Variants in ARHGAP44 observed in about 807,000 individuals in gnomAD.
The protein encoded by ARHGAP44 is rho GTPase-activating protein 44.
In ARHGAP44, 43 loss-of-function variants were observed where a neutral mutation model predicts 106.8. The ratio of observed to expected loss-of-function variants is 0.40; its 90% CI spans 0.32 to 0.52. The LOEUF is 0.52. ARHGAP44 is among the 20% of genes least tolerant of loss of function. The probability of loss-of-function intolerance (pLI) is 0.48; values close to 1 mark genes in which losing one functional copy is unlikely to be tolerated. For synonymous variants in ARHGAP44, 439 were observed against 410.3 expected (o/e 1.07, Z -0.85); for missense variants, 866 against 1,050.5 (o/e 0.82, Z 2.43).
intron 19 of ARHGAP44, among the ~76,000 whole-genome samples, chr17:12,983,246 C>G (rs1194871157): frequency 1.6e-5 from 2 of 121,554 alleles, no homozygotes; most frequent in Non-Finnish European, 3.2e-5. Context: ...GCCTGGGTGA[C>G]AGAGCGAGAC....
At chr17:12,920,206 T>C (rs1179560835) in intron 6 of ARHGAP44, among the ~76,000 whole-genome samples, 2 of 151,702 alleles carry the variant, frequency 1.3e-5, no homozygotes, top group Non-Finnish European at 2.9e-5. Flanking sequence ...AAACCCTGTC[T>C]CTACTAAAAA....
intron 5 of ARHGAP44, among the ~76,000 whole-genome samples, chr17:12,918,868 A>C (rs922454074): frequency 6.6e-6 from 1 of 152,164 alleles, no homozygotes; most frequent in Non-Finnish European, 1.5e-5. Context: ...AGGGCAGGAA[A>C]GTGGCCAGGC....
chr17:12,977,189 C>T (rs775289333), intron 18 of ARHGAP44, among the ~76,000 whole-genome samples: 24 of 151,854 alleles, frequency 1.6e-4, no homozygotes, highest in Non-Finnish European at 3.1e-4. Context: ...CCGGGCTGAC[C>T]GGTTTAGTAA....
rs535985743 is a variant in ARHGAP44 at position 12,947,612 on chromosome 17, A to G, written c.862-1528A>G. Reference sequence around the variant, plus strand: ...ACAGGACTCATTAGCTAATATAACAATCCCCTCCTCCACCTAGTTTTTATG... The same window carrying G: ...ACAGGACTCATTAGCTAATATAACAGTCCCCTCCTCCACCTAGTTTTTATG... On this transcript the variant is annotated intron_variant, in intron 10 of 20. Transcript: ENST00000379672. 4.3e-4 allele frequency among the ~76,000 whole-genome samples: 66 copies of G among 152,256 alleles called. No homozygotes were observed. In the Middle Eastern group the frequency reaches 0.017, roughly 39 times the overall value.
intron 7 of ARHGAP44, among the ~76,000 whole-genome samples, chr17:12,932,608 T>G (rs768318105): frequency 1.3e-5 from 2 of 152,302 alleles, no homozygotes; most frequent in Middle Eastern, 3.4e-3. Context: ...TTCTTTAATT[T>G]TATGTTAATG....
At chr17:12,888,770 GT>G (rs1456818089) in intron 1 of ARHGAP44, among the ~76,000 whole-genome samples, 7 of 152,036 alleles carry the variant, frequency 4.6e-5, no homozygotes, top group Non-Finnish European at 1.0e-4. Flanking sequence ...TTACAGCTCT[GT>G]TTTTTGGTGG....
chr17:12,977,640 C>A (rs983886556), intron 18 of ARHGAP44, among the ~76,000 whole-genome samples: 5 of 152,152 alleles, frequency 3.3e-5, no homozygotes, highest in African/African-American at 1.2e-4. Flanking sequence ...CAGGTAGCGC[C>A]CCTAGTAGCC....
chr17:12,909,152 G>A (rs1032111814), intron 4 of ARHGAP44, among the ~76,000 whole-genome samples, 179 bp downstream of exon 4: 20 of 152,286 alleles, frequency 1.3e-4, no homozygotes, highest in East Asian at 1.9e-4. Context: ...TTGTCTGTGC[G>A]GTGAGGCAAG....
rs538521073 is a variant in ARHGAP44 at position 12,863,311 on chromosome 17, A to G, written c.54-31629A>G. Among the ~76,000 whole-genome samples, 25 of 152,166 alleles carry G rather than the reference A, an allele frequency of 1.6e-4. No individual in the cohort carries two copies. In the South Asian group the frequency reaches 4.8e-3, roughly 29 times the overall value. The stretch of plus-strand genomic sequence containing the variant: ...GAGAAATAAGAACTTCTGATTGCTA[A>G]TCCTATTATATACCACATTTCTAAA... On this transcript the variant is annotated intron_variant, in intron 1 of 20. Coordinates refer to ENST00000379672, the MANE Select transcript of ARHGAP44 (RefSeq NM_014859.6).
At chr17:12,965,825 T>TCC (rs2039377095) in intron 16 of ARHGAP44, among the ~76,000 whole-genome samples, 1 of 152,092 alleles carries the variant, frequency 6.6e-6, no homozygotes, top group Non-Finnish European at 1.5e-5. Context: ...GGATGTCCTC[T>TCC]GTAGATCCTG....
chr17:12,966,473 G>A (rs2039394530), intron 16 of ARHGAP44, among the ~76,000 whole-genome samples: 1 of 152,174 alleles, frequency 6.6e-6, no homozygotes, highest in African/African-American at 2.4e-5. Context: ...CTGAAGAGAG[G>A]AGTTACTTCC....
chr17:12,816,161 C>T (rs1370287677), intron 1 of ARHGAP44, among the ~76,000 whole-genome samples: 1 of 152,082 alleles, frequency 6.6e-6, no homozygotes, highest in Non-Finnish European at 1.5e-5. Context: ...AGGAAGCCAA[C>T]AAAGAAAATG....
At chr17:12,930,428 G>A in intron 7 of ARHGAP44, among the ~76,000 whole-genome samples, 1 of 151,972 alleles carries the variant, frequency 6.6e-6, no homozygotes. Context: ...GTAGAGACGG[G>A]GGTTTTACCA....
chr17:12,951,939 G>A (rs887250542), intron 12 of ARHGAP44, among the ~76,000 whole-genome samples: 9 of 152,112 alleles, frequency 5.9e-5, no homozygotes, highest in African/African-American at 1.9e-4. Context: ...TTTCATCAGA[G>A]GCCAACACTA....
chr17:12,852,210 G>C (rs2035768404), intron 1 of ARHGAP44, among the ~76,000 whole-genome samples: 1 of 133,512 alleles, frequency 7.5e-6, no homozygotes, highest in Non-Finnish European at 1.6e-5. Context: ...AGGGAGGGTG[G>C]TTTTGTGTGG....
At chr17:12,812,082 C>A (rs1052245011) in intron 1 of ARHGAP44, among the ~76,000 whole-genome samples, 1 of 152,104 alleles carries the variant, frequency 6.6e-6, no homozygotes, top group Admixed American at 6.6e-5. Context: ...TTTTTTTCTG[C>A]CTGCTTTGTG....
chr17:12,956,555 C>CCAGGG, intron 14 of ARHGAP44, 100 bp from the exon 15 acceptor site: 1 of 962,196 alleles, frequency 1.0e-6, no homozygotes, highest in Non-Finnish European at 1.6e-6. Context: ...GGGTTCCAGT[C>CCAGGG]CAGGGCCCCT....
intron 3 of ARHGAP44, among the ~76,000 whole-genome samples, chr17:12,906,233 A>G (rs532942171): frequency 3.7e-4 from 57 of 152,250 alleles, no homozygotes; most frequent in African/African-American, 1.4e-3. Flanking sequence ...CACTTACATA[A>G]CACTTCTGTG....
intron 20 of ARHGAP44, chr17:12,985,919 G>C (rs2039945317): frequency 1.3e-5 from 2 of 152,160 alleles, no homozygotes; most frequent in Admixed American, 1.3e-4. Flanking sequence ...CCATTTCAAA[G>C]AACAGTGCTG....
Sources: allele counts gnomAD v4.1 joint callset (sites outside exome capture counted in the v4.1 genomes callset), GRCh38; gene constraint gnomAD v4.1.1; transcripts MANE v1.5; gene names NCBI Gene and HGNC (gene_info 2026-07-23, HGNC 2026-07-21).